Variants in SLC22A25 observed in about 807,000 individuals in gnomAD.
SLC22A25 encodes MGI:2442751, MGI:2385316, MGI:3042283, MGI:3645714, MGI:3605624, MGI:2442750.
In SLC22A25, 44 loss-of-function variants were observed where a neutral mutation model predicts 45.9. The observed-to-expected ratio is 0.96, with a 90% CI of 0.75 to 1.23. The LOEUF is 1.23. SLC22A25 is among the 50% of genes most tolerant of loss of function. SLC22A25 has a pLI of 0.00. For synonymous variants in SLC22A25, 283 were observed against 238.6 expected, an observed-to-expected ratio of 1.19 and a Z score of -1.72; for missense variants, 800 against 666.4, an observed-to-expected ratio of 1.20 and a Z score of -2.21.
chr11:63,200,423 A>G (rs1054685940), intron 7 of SLC22A25, among the ~76,000 whole-genome samples: 3 of 151,582 alleles, frequency 2.0e-5, no homozygotes, highest in Non-Finnish European at 4.4e-5. Context: ...GTCTCAAGAG[A>G]TACAGAAAAG....
At chr11:63,230,282 T>G (rs1023165518) in intron 3 of SLC22A25, among the ~76,000 whole-genome samples, 186 bp from the exon 4 acceptor site, 7 of 152,192 alleles carry the variant, frequency 4.6e-5, no homozygotes, top group African/African-American at 1.7e-4. Flanking sequence ...TTACTTCAAA[T>G]GTGGGGAGAG....
At chr11:63,183,009 G>C (rs1436626543) in intron 8 of SLC22A25, among the ~76,000 whole-genome samples, 2 of 151,960 alleles carry the variant, frequency 1.3e-5, no homozygotes, top group Non-Finnish European at 2.9e-5. Flanking sequence ...GACTTCCTCT[G>C]TCATTCATGA....
intron 5 of SLC22A25, among the ~76,000 whole-genome samples, chr11:63,225,760 C>A (rs992949903): frequency 1.3e-5 from 2 of 152,068 alleles, no homozygotes; most frequent in African/African-American, 4.8e-5. Flanking sequence ...GGCCAATAAC[C>A]CTTGGATTTA....
intron 7 of SLC22A25, among the ~76,000 whole-genome samples, chr11:63,206,717 T>A (rs1184771978): frequency 1.3e-5 from 2 of 152,194 alleles, no homozygotes; most frequent in Non-Finnish European, 2.9e-5. Flanking sequence ...CAAAGTAATT[T>A]AAAGATTCAA....
At chr11:63,206,171 C>G (rs1332693351) in intron 7 of SLC22A25, among the ~76,000 whole-genome samples, 2 of 152,136 alleles carry the variant, frequency 1.3e-5, no homozygotes, top group Non-Finnish European at 2.9e-5. Flanking sequence ...GAACCTATAG[C>G]CAATATCATA....
At chr11:63,172,463 A>G (rs751619938) in intron 9 of SLC22A25, among the ~76,000 whole-genome samples, 1 of 152,106 alleles carries the variant, frequency 6.6e-6, no homozygotes, top group Non-Finnish European at 1.5e-5. Context: ...AATCCCATCA[A>G]AAAGTGGGCA....
intron 9 of SLC22A25, among the ~76,000 whole-genome samples, chr11:63,176,333 G>T (rs2088087405): frequency 1.3e-5 from 2 of 151,830 alleles, no homozygotes; most frequent in Admixed American, 1.3e-4. Flanking sequence ...ATAATATAAA[G>T]CTTTGCCATT....
intron 9 of SLC22A25, among the ~76,000 whole-genome samples, chr11:63,171,079 T>C (rs1213670669): frequency 1.3e-5 from 2 of 152,174 alleles, no homozygotes; most frequent in East Asian, 1.9e-4. Flanking sequence ...ATTATCTCAA[T>C]AGATGCAGAA....
chr11:63,163,495 C>T lies in SLC22A25; in HGVS notation c.*329G>A, dbSNP rs2087573091. On this transcript the variant is annotated 3_prime_UTR_variant, in exon 12 of 12. Transcript: ENST00000306494. ...ATCCCAGACAGCTAACAGGTACACT[C>T]ACTGGGCTGAGGGCTCCCCAGGGAT... Among the ~76,000 whole-genome samples, 3 of 152,154 alleles carry T rather than the reference C, an allele frequency of 2.0e-5. No homozygotes were observed. The highest frequency in any genetic ancestry group is 7.2e-5 in the African/African-American group (3 of 41,424).
chr11:63,200,860 A>C (rs1278496685), intron 7 of SLC22A25, among the ~76,000 whole-genome samples: 2 of 152,222 alleles, frequency 1.3e-5, no homozygotes, highest in Admixed American at 1.3e-4. Flanking sequence ...CTGTACACCA[A>C]CAACAGCCAA....
Position 63,229,628 on chromosome 11 carries a change from G to C in SLC22A25, c.25C>G (p.Gln9Glu), listed in dbSNP as rs775592774. Residue 9 changes from glutamine (Q) to glutamate (E), a missense_variant, in exon 4 of 12, where the codon CAA becomes GAA. Transcript: ENST00000306494. ...TGGAATCTCCCCAGGCCTCCAACTT[G>C]ATCTAGGAGGTCCTGAAAGGCCATT... MAFQDLLD[Q>E]VGGLGRFQIL... is the part of the protein sequence containing the mutation. 6.2e-7 allele frequency: 1 copy of C among 1,605,270 alleles called. No individual in the cohort carries two copies. The highest frequency in any genetic ancestry group is 8.5e-7 in the Non-Finnish European group (1 of 1,172,560).
At chr11:63,227,547 C>A (rs887736339) in intron 5 of SLC22A25, among the ~76,000 whole-genome samples, 20 of 152,088 alleles carry the variant, frequency 1.3e-4, no homozygotes, top group Non-Finnish European at 2.5e-4. Context: ...TTTACTTTTC[C>A]CTCTCCTCTC....
rs892748544 is a variant in SLC22A25 at position 63,160,551 on chromosome 11, C to T, written c.*3273G>A. Among the ~76,000 whole-genome samples, 9 of 152,200 alleles carry T rather than the reference C, an allele frequency of 5.9e-5. No homozygotes were observed. Among genetic ancestry groups the T allele is most frequent in the South Asian group, 2.1e-4 (1 of 4,814 alleles). On this transcript the variant is annotated 3_prime_UTR_variant, in exon 12 of 12. Transcript: ENST00000306494. ...TCCTCATGGAGAACCTCTGCTTGGG[C>T]GGTGTGAAAGGAAGATGTGGGGTTG...
intron 5 of SLC22A25, among the ~76,000 whole-genome samples, chr11:63,228,022 C>T (rs533880396): frequency 1.9e-4 from 29 of 152,334 alleles, no homozygotes; most frequent in Middle Eastern, 6.8e-3. Flanking sequence ...GGAGTGTTGT[C>T]AGCAATTCAA....
In SLC22A25 at chr11:63,163,887, G is replaced by T. The variant is rs1056048729; in HGVS notation, c.1581C>A (p.Ile527=). 1.9e-6 allele frequency: 3 copies of T among 1,613,888 alleles called. No homozygotes were observed. Among genetic ancestry groups the T allele is most frequent in the Non-Finnish European group, 2.5e-6 (3 of 1,179,884 alleles). The stretch of plus-strand genomic sequence containing the variant: ...TTACTCCCTCATTTTCCACATCCTG[G>T]ATGCTGTCAAGAAGAGGCTGGTTCC... ...ETRNQPLLDS[I]QDVENEGVNS... Residue 527 remains isoleucine, a synonymous_variant, in exon 12 of 12, where the codon ATC becomes ATA. Transcript: ENST00000306494.
chr11:63,169,646 G>A (rs932455442), intron 9 of SLC22A25, among the ~76,000 whole-genome samples: 2 of 152,080 alleles, frequency 1.3e-5, no homozygotes, highest in African/African-American at 4.8e-5. Flanking sequence ...CACAACACAG[G>A]AGCACCCAGA....
At chr11:63,228,414 A>G (rs772664180) in intron 5 of SLC22A25, 47 bp downstream of exon 5, 2 of 1,370,916 alleles carry the variant, frequency 1.5e-6, no homozygotes, top group Non-Finnish European at 2.0e-6. Context: ...TGTTTCATGA[A>G]TTGATGAAAA....
chr11:63,220,984 C>A (rs748069943), intron 5 of SLC22A25, among the ~76,000 whole-genome samples: 1 of 152,158 alleles, frequency 6.6e-6, no homozygotes, highest in Non-Finnish European at 1.5e-5. Flanking sequence ...GAATAATACT[C>A]TACTTTGTAT....
chr11:63,229,054 G>A (rs2090018076), intron 4 of SLC22A25, among the ~76,000 whole-genome samples, 197 bp downstream of exon 4: 1 of 152,112 alleles, frequency 6.6e-6, no homozygotes, highest in Non-Finnish European at 1.5e-5. Context: ...ATGATAGCAG[G>A]GTCACATCTA....
Sources: allele counts gnomAD v4.1 joint callset (sites outside exome capture counted in the v4.1 genomes callset), GRCh38; gene constraint gnomAD v4.1.1; transcripts MANE v1.5; gene names NCBI Gene and HGNC (gene_info 2026-07-23, HGNC 2026-07-21).